The following ELMO1 variants were observed in gnomAD, a reference collection of about 807,000 sequenced individuals.
ELMO1 encodes engulfment and cell motility protein 1.
Under a neutral mutation model 98.9 loss-of-function variants are expected in ELMO1, and 26 were observed. That is an observed-to-expected ratio of 0.26 (90% CI 0.19 to 0.36). The LOEUF (loss-of-function observed/expected upper bound fraction) is 0.36, where lower values mean the gene tolerates loss of function less well. ELMO1 is among the 10% of genes least tolerant of loss of function. ELMO1 has a pLI of 1.00. For synonymous variants in ELMO1, 346 were observed against 346.0 expected (o/e 1.00, Z 0.00); for missense variants, 627 against 935.2 (o/e 0.67, Z 4.30).
At chr7:37,114,062 G>A (rs1485545615) in intron 14 of ELMO1, among the ~76,000 whole-genome samples, 4 of 152,228 alleles carry the variant, frequency 2.6e-5, no homozygotes, top group African/African-American at 9.6e-5. Flanking sequence ...ACGTAAGGCT[G>A]GAAAGCCAGA....
intron 1 of ELMO1, chr7:37,393,739 C>T (rs1237039321): frequency 6.6e-6 from 1 of 152,126 alleles, no homozygotes; most frequent in East Asian, 1.9e-4. Context: ...TTGGTTTATC[C>T]AAAAACCAAA....
intron 4 of ELMO1, among the ~76,000 whole-genome samples, chr7:37,273,361 T>C (rs939809555): frequency 6.6e-6 from 1 of 152,150 alleles, no homozygotes; most frequent in African/African-American, 2.4e-5. Context: ...TCTCACGAGA[T>C]CTGATGGTTT....
At chr7:37,385,207 G>A (rs1300770785) in intron 1 of ELMO1, among the ~76,000 whole-genome samples, 1 of 152,236 alleles carries the variant, frequency 6.6e-6, no homozygotes, top group Non-Finnish European at 1.5e-5. Context: ...ACCTAAGTCA[G>A]GTCATGTGGC....
In ELMO1 at chr7:37,342,475, C is replaced by T; in HGVS notation, c.78+138G>A. On this transcript the variant is annotated intron_variant, in intron 2 of 21. Transcript: ENST00000310758. The surrounding 1 kb of genome is among the most constrained non-coding windows in gnomAD (Gnocchi z 4.3). ...CTGTATGTGCTACAGAAATCAAGCA[C>T]ATTGCAACTATTATTGCACAGATTT... The T allele has an allele frequency of 1.2e-6, 1 of 858,840 alleles. No homozygotes were observed. The highest frequency in any genetic ancestry group is 1.9e-6 in the Non-Finnish European group (1 of 513,222). 53.2% of individuals were successfully genotyped at this position (858,840 alleles called of 1,614,324 possible). A position where few individuals can be genotyped will look rare whatever the true frequency, so the allele number is the denominator to read the frequency against.
chr7:37,391,659 T>C (rs912805169), intron 1 of ELMO1, among the ~76,000 whole-genome samples: 1 of 152,152 alleles, frequency 6.6e-6, no homozygotes, highest in Admixed American at 6.5e-5. Flanking sequence ...CACTGAGCCA[T>C]CCAGAGACCC....
At chr7:37,216,788 T>A in intron 10 of ELMO1, 93 bp from the exon 11 acceptor site, 1 of 1,233,912 alleles carries the variant, frequency 8.1e-7, no homozygotes, top group Non-Finnish European at 1.2e-6. Context: ...GTGTGCTTCG[T>A]AACTGTATAT....
At chr7:37,166,229 T>A (rs578039157) in intron 13 of ELMO1, among the ~76,000 whole-genome samples, 2 of 152,276 alleles carry the variant, frequency 1.3e-5, no homozygotes, top group East Asian at 3.9e-4. Context: ...TCTTCTCTCT[T>A]TTTTTCTTTA....
intron 4 of ELMO1, among the ~76,000 whole-genome samples, chr7:37,310,003 G>A (rs573381668): frequency 1.2e-4 from 18 of 152,278 alleles, no homozygotes; most frequent in Non-Finnish European, 2.1e-4. Flanking sequence ...CCAAGGGAGT[G>A]CACAATTCTG....
intron 1 of ELMO1, among the ~76,000 whole-genome samples, chr7:37,427,861 G>A (rs991033360): frequency 2.0e-5 from 3 of 152,196 alleles, no homozygotes; most frequent in Non-Finnish European, 4.4e-5. Context: ...GCTAAAAGAA[G>A]CAATAAAGAC....
At position 37,336,557 on chromosome 7, in the gene ELMO1, C is replaced by G. The variant is rs117448176; in HGVS notation, c.78+6056G>C. Reference sequence around the variant, plus strand: ...AACACACAGACCAGAGGGCTTAGCACTGAGGTTGGAACTGATCTAGAAAGA... The same window carrying G: ...AACACACAGACCAGAGGGCTTAGCAGTGAGGTTGGAACTGATCTAGAAAGA... On this transcript the variant is annotated intron_variant, in intron 2 of 21. Transcript: ENST00000310758. 2.8e-4 allele frequency among the ~76,000 whole-genome samples: 42 copies of G among 152,192 alleles called. No homozygotes were observed. The East Asian group carries it at 7.2e-3, about 26-fold the overall frequency.
intron 15 of ELMO1, among the ~76,000 whole-genome samples, chr7:37,089,523 T>A (rs147330272): frequency 6.6e-6 from 1 of 152,172 alleles, no homozygotes; most frequent in Non-Finnish European, 1.5e-5. Context: ...ATTGAAGAAG[T>A]GGAAATATCC....
At chr7:37,333,367 T>C (rs1464580713) in intron 2 of ELMO1, among the ~76,000 whole-genome samples, 1 of 152,166 alleles carries the variant, frequency 6.6e-6, no homozygotes, top group Non-Finnish European at 1.5e-5. Context: ...TAAGAAAACA[T>C]AGTTAATACA....
At chr7:37,058,198 G>T (rs1389431309) in intron 15 of ELMO1, among the ~76,000 whole-genome samples, 1 of 152,066 alleles carries the variant, frequency 6.6e-6, no homozygotes, top group African/African-American at 2.4e-5. Flanking sequence ...TCAATGCTAA[G>T]GTCCCTTCTC....
rs190012764 is a variant in ELMO1, at chr7:36,901,439, C to G, written c.1438-6422G>C. On this transcript the variant is annotated intron_variant, in intron 16 of 21. Transcript: ENST00000310758. ...CCATACAGTGTCTGCTGCAATTACT[C>G]AAGCCTACCATGGCAACTTATATAA... Among the ~76,000 whole-genome samples, 48 of 152,278 alleles carry G rather than the reference C, an allele frequency of 3.2e-4. No homozygotes were observed. In the East Asian group the frequency reaches 8.5e-3, roughly 27 times the overall value.
chr7:37,208,940 T>C (rs1792804732), intron 13 of ELMO1, among the ~76,000 whole-genome samples: 1 of 152,134 alleles, frequency 6.6e-6, no homozygotes, highest in Admixed American at 6.5e-5. Context: ...GTCTTTGCTT[T>C]TTCTAGGATG....
chr7:37,207,731 T>C (rs879708431), intron 13 of ELMO1, among the ~76,000 whole-genome samples: 4 of 151,526 alleles, frequency 2.6e-5, no homozygotes, highest in African/African-American at 9.7e-5. Flanking sequence ...TCACCTGAGG[T>C]CAGGAGTTTG....
intron 2 of ELMO1, among the ~76,000 whole-genome samples, chr7:37,328,882 A>C (rs1799958446): frequency 6.6e-6 from 1 of 151,976 alleles, no homozygotes; most frequent in Non-Finnish European, 1.5e-5. Flanking sequence ...CTTACCCCAA[A>C]ACTCTCTTTC....
At chr7:37,271,470 C>A in intron 5 of ELMO1, 1 of 206,016 alleles carries the variant, frequency 4.9e-6, no homozygotes, top group Non-Finnish European at 9.6e-6. Context: ...CTTCCCTGGG[C>A]CACAGGAAGA....
intron 14 of ELMO1, among the ~76,000 whole-genome samples, chr7:37,124,304 G>T (rs1386739419): frequency 6.6e-6 from 1 of 152,176 alleles, no homozygotes. Flanking sequence ...GCAGGAGAAA[G>T]AAATAAAGGG....
Sources: gnomAD v4.1 joint callset for allele counts (sites outside exome capture counted in the v4.1 genomes callset) on GRCh38, gnomAD v4.1.1 for gene constraint, Gnocchi (gnomAD v3.1) non-coding constraint, MANE v1.5 for transcripts, NCBI Gene and HGNC (gene_info 2026-07-23, HGNC 2026-07-21) for gene names.